EFCAB11: variants seen among roughly 807,000 people sequenced by gnomAD.
EFCAB11 encodes EF-hand calcium-binding domain-containing protein 11.
In EFCAB11, 14 loss-of-function variants were observed where a neutral mutation model predicts 23.0. The ratio of observed to expected loss-of-function variants is 0.61; its 90% CI spans 0.40 to 0.95. The LOEUF (loss-of-function observed/expected upper bound fraction) is 0.95, where lower values mean the gene tolerates loss of function less well. EFCAB11 is among the 40% of genes least tolerant of loss of function. The pLI is 0.00. For synonymous variants in EFCAB11, 65 were observed against 66.6 expected, an observed-to-expected ratio of 0.98 and a Z score of 0.11; for missense variants, 198 against 195.8, an observed-to-expected ratio of 1.01 and a Z score of -0.07.
chr14:89,833,114 T>C lies in EFCAB11; in HGVS notation c.411-35790A>G, dbSNP rs1051169775. Reference sequence around the variant, plus strand: ...GTGAAATACACAAATCATCAGGTAATGGAATCTTGACTTTTTATTTAATTT... The same window carrying C: ...GTGAAATACACAAATCATCAGGTAACGGAATCTTGACTTTTTATTTAATTT... On this transcript the variant is annotated intron_variant, in intron 5 of 5. Transcript: ENST00000316738. 3.3e-5 allele frequency: 5 copies of C among 152,348 alleles called. No homozygotes were observed. In the East Asian group the frequency reaches 9.6e-4, roughly 29 times the overall value. The allele number at this position is 152,348 out of a possible 1,614,324, so 9.4% of individuals were successfully genotyped here.
intron 5 of EFCAB11, among the ~76,000 whole-genome samples, chr14:89,861,530 T>C (rs2140151028): frequency 6.6e-6 from 1 of 152,336 alleles, no homozygotes; most frequent in South Asian, 2.1e-4. Flanking sequence ...CATGCCCTGC[T>C]GAACCCAATC....
At chr14:89,886,939 G>T (rs1188044272) in intron 5 of EFCAB11, among the ~76,000 whole-genome samples, 1 of 152,124 alleles carries the variant, frequency 6.6e-6, no homozygotes, top group Non-Finnish European at 1.5e-5. Flanking sequence ...GGTCAGTCTG[G>T]ATACCTTCTT....
At chr14:89,900,042 A>G (rs1889293328) in intron 5 of EFCAB11, among the ~76,000 whole-genome samples, 1 of 151,916 alleles carries the variant, frequency 6.6e-6, no homozygotes, top group Non-Finnish European at 1.5e-5. Context: ...TCTATCTATT[A>G]CTCTCTTGCA....
intron 5 of EFCAB11, among the ~76,000 whole-genome samples, chr14:89,917,865 G>A (rs1399908984): frequency 6.6e-6 from 1 of 152,220 alleles, no homozygotes; most frequent in African/African-American, 2.4e-5. Context: ...GAGAGTCACT[G>A]TAAGGACTAA....
intron 5 of EFCAB11, among the ~76,000 whole-genome samples, chr14:89,919,891 G>T (rs1360498355): frequency 6.6e-6 from 1 of 152,142 alleles, no homozygotes; most frequent in African/African-American, 2.4e-5. Flanking sequence ...AAGAAGAGCA[G>T]ATAATGTGGC....
At position 89,939,737 on chromosome 14, in the gene EFCAB11, A is replaced by G. The variant is rs1010445110; in HGVS notation, c.218-7110T>C. On this transcript the variant is annotated intron_variant, in intron 3 of 5. Coordinates refer to ENST00000316738, the MANE Select transcript of EFCAB11 (RefSeq NM_145231.4). ...ATATTTCTTTCATCTTCCCTATCAC[A>G]TAAGATATATACACATTTTTTGATG... Among the ~76,000 whole-genome samples the G allele has an allele frequency of 2.6e-5, 4 of 152,150 alleles. No homozygotes were observed. The East Asian group carries it at 7.7e-4, about 29-fold the overall frequency.
intron 5 of EFCAB11, among the ~76,000 whole-genome samples, chr14:89,845,667 T>G (rs1280928961): frequency 6.6e-6 from 1 of 152,134 alleles, no homozygotes; most frequent in Non-Finnish European, 1.5e-5. Context: ...GGAAGACATC[T>G]CATGCTGCCC....
chr14:89,935,286 A>G (rs945458327), intron 3 of EFCAB11, among the ~76,000 whole-genome samples: 2 of 152,184 alleles, frequency 1.3e-5, no homozygotes, highest in Non-Finnish European at 2.9e-5. Flanking sequence ...CATGATGCCT[A>G]GCAGACAGTA....
intron 5 of EFCAB11, among the ~76,000 whole-genome samples, chr14:89,816,970 C>T (rs1321546053): frequency 1.3e-5 from 2 of 151,862 alleles, no homozygotes; most frequent in Non-Finnish European, 1.5e-5. Flanking sequence ...GTATTTAATA[C>T]ACATTTATTG....
At chr14:89,866,193 G>A (rs899240027) in intron 5 of EFCAB11, among the ~76,000 whole-genome samples, 2 of 152,214 alleles carry the variant, frequency 1.3e-5, no homozygotes, top group Admixed American at 1.3e-4. Context: ...GACACCGTCA[G>A]GGATGGTTGG....
intron 5 of EFCAB11, among the ~76,000 whole-genome samples, chr14:89,847,526 G>A (rs574075373): frequency 2.8e-4 from 42 of 152,084 alleles, no homozygotes; most frequent in African/African-American, 9.9e-4. Flanking sequence ...GATCACCTGA[G>A]GTCAGGAGTT....
At chr14:89,867,942 C>G (rs1596411543) in intron 5 of EFCAB11, among the ~76,000 whole-genome samples, 2 of 152,174 alleles carry the variant, frequency 1.3e-5, no homozygotes, top group Admixed American at 6.5e-5. Context: ...TCAACCCTAA[C>G]AGAAGCCTTA....
At chr14:89,943,136 A>G (rs1566822644) in intron 3 of EFCAB11, among the ~76,000 whole-genome samples, 1 of 152,184 alleles carries the variant, frequency 6.6e-6, no homozygotes, top group Non-Finnish European at 1.5e-5. Context: ...TAAGAAGAAC[A>G]ATGGATAGCA....
chr14:89,863,755 A>AG (rs1304094219), intron 5 of EFCAB11, among the ~76,000 whole-genome samples: 1 of 152,214 alleles, frequency 6.6e-6, no homozygotes, highest in Non-Finnish European at 1.5e-5. Flanking sequence ...CAGTTGGTTG[A>AG]GAAAAAAAGG....
intron 5 of EFCAB11, among the ~76,000 whole-genome samples, chr14:89,810,025 C>T (rs944819404): frequency 6.6e-6 from 1 of 152,146 alleles, no homozygotes. Flanking sequence ...GTGAAGGAAC[C>T]CATGTTTTCT....
intron 5 of EFCAB11, among the ~76,000 whole-genome samples, chr14:89,898,353 GT>G (rs1160493521): frequency 1.5e-5 from 2 of 137,140 alleles, no homozygotes; most frequent in African/African-American, 6.3e-5. Context: ...TCTTTTTCTC[GT>G]TTTTGTTTTT....
chr14:89,870,197 T>C (rs1888222259), intron 5 of EFCAB11, among the ~76,000 whole-genome samples: 1 of 152,208 alleles, frequency 6.6e-6, no homozygotes, highest in Non-Finnish European at 1.5e-5. Flanking sequence ...ATTAACTGTA[T>C]CTAGAATTAG....
At chr14:89,900,523 G>A (rs766740944) in intron 5 of EFCAB11, among the ~76,000 whole-genome samples, 9 of 152,184 alleles carry the variant, frequency 5.9e-5, no homozygotes, top group Middle Eastern at 3.2e-3. Context: ...AGCTGAAAAA[G>A]CCATGAGGGC....
chr14:89,893,547 C>G (rs144155001), intron 5 of EFCAB11, among the ~76,000 whole-genome samples: 3 of 151,808 alleles, frequency 2.0e-5, no homozygotes, highest in Non-Finnish European at 4.4e-5. Flanking sequence ...CAGGGCAGCC[C>G]GTATCCAAAG....
Sources: gnomAD v4.1 joint callset for allele counts (sites outside exome capture counted in the v4.1 genomes callset) on GRCh38, gnomAD v4.1.1 for gene constraint, MANE v1.5 for transcripts, NCBI Gene and HGNC (gene_info 2026-07-23, HGNC 2026-07-21) for gene names.